The following DIP2B variants were observed in gnomAD, a reference collection of about 807,000 sequenced individuals.
The protein encoded by DIP2B is DIP2 acetate--CoA ligase B (putative), also known as disco-interacting protein 2 homolog B.
A neutral mutation model predicts 198.0 loss-of-function variants in DIP2B; 76 were observed. The observed-to-expected ratio is 0.38, with a 90% CI of 0.32 to 0.46. The LOEUF (loss-of-function observed/expected upper bound fraction) is 0.46. Among genes scored for constraint, DIP2B ranks in the 20% least tolerant of loss-of-function variants. DIP2B has a pLI of 0.99. For missense variants in DIP2B, 1,559 were observed against 1,978.4 expected (o/e 0.79, Z 4.02); for synonymous variants, 701 against 739.1 (o/e 0.95, Z 0.84).
chr12:50,626,483 A>G (rs185503869), intron 2 of DIP2B, among the ~76,000 whole-genome samples: 206 of 152,344 alleles, frequency 1.4e-3, no homozygotes, highest in African/African-American at 4.8e-3. Context: ...ATTAATTCAA[A>G]GCCAGACTTA....
intron 2 of DIP2B, 107 bp from the exon 3 acceptor site, chr12:50,640,617 G>T (rs1938238525): frequency 8.5e-7 from 1 of 1,182,848 alleles, no homozygotes; most frequent in South Asian, 1.5e-5. Flanking sequence ...TACTGTAGAT[G>T]GGGTAATAGT....
At chr12:50,743,153 G>A (rs935362732) in intron 37 of DIP2B, among the ~76,000 whole-genome samples, 2 of 152,084 alleles carry the variant, frequency 1.3e-5, no homozygotes, top group African/African-American at 4.8e-5. Flanking sequence ...TGCGATCCCG[G>A]CTCACTGCAA....
chr12:50,699,812 A>G (rs1040034042), intron 19 of DIP2B, among the ~76,000 whole-genome samples: 7 of 151,586 alleles, frequency 4.6e-5, no homozygotes, highest in African/African-American at 1.7e-4. Flanking sequence ...GCAGTGAGCT[A>G]TGATCATGCC....
chr12:50,505,108 C>G lies in DIP2B; in HGVS notation c.-33C>G, dbSNP rs561860111. 1.4e-4 allele frequency: 212 copies of G among 1,526,640 alleles called. 2 individuals carry two copies. In the African/African-American group the frequency reaches 2.6e-3, roughly 19 times the overall value. 94.6% of individuals were successfully genotyped at this position (1,526,640 alleles called of 1,614,324 possible). A position where few individuals can be genotyped will look rare whatever the true frequency, so the allele number is the denominator to read the frequency against. On this transcript the variant is annotated 5_prime_UTR_variant, in exon 1 of 38. Transcript: ENST00000301180. The stretch of plus-strand genomic sequence containing the variant: ...GTCCGTCCCTCCTTCGGCCCCCTCT[C>G]TTGTCTTCCGGAGTGTGGCTGGCGG...
Position 50,698,550 on chromosome 12 carries a change from A to G in DIP2B, c.2188+83A>G, listed in dbSNP as rs1939359570. On this transcript the variant is annotated intron_variant, in intron 18 of 37. Transcript: ENST00000301180. Reference sequence around the variant, plus strand: ...GAGCCTGATAAAATACAGAATCCCAAACGAGGAACCCTTAATTCAGTACTT... The same window carrying G: ...GAGCCTGATAAAATACAGAATCCCAGACGAGGAACCCTTAATTCAGTACTT... The G allele has an allele frequency of 2.7e-6, 4 of 1,503,530 alleles. No homozygotes were observed. The East Asian group carries it at 9.2e-5, about 35-fold the overall frequency. The allele number at this position is 1,503,530 out of a possible 1,614,324, so 93.1% of individuals were successfully genotyped here.
intron 2 of DIP2B, among the ~76,000 whole-genome samples, chr12:50,636,173 G>A (rs1938156458): frequency 6.6e-6 from 1 of 152,190 alleles, no homozygotes; most frequent in South Asian, 2.1e-4. Flanking sequence ...TTGAAATCAG[G>A]AACAGCATTT....
At chr12:50,727,555 C>G (rs1939958928) in intron 28 of DIP2B, 148 bp from the exon 29 acceptor site, 2 of 692,288 alleles carry the variant, frequency 2.9e-6, no homozygotes, top group Non-Finnish European at 5.1e-6. Flanking sequence ...CTAAGAATGA[C>G]ATATGTGAGC....
intron 3 of DIP2B, among the ~76,000 whole-genome samples, chr12:50,650,452 C>T (rs1938434323): frequency 6.6e-6 from 1 of 152,126 alleles, no homozygotes; most frequent in South Asian, 2.1e-4. Context: ...GAATTCCATA[C>T]CTGTTGAACA....
chr12:50,683,486 T>C (rs746550189), intron 10 of DIP2B, among the ~76,000 whole-genome samples: 3 of 152,172 alleles, frequency 2.0e-5, no homozygotes, highest in Non-Finnish European at 4.4e-5. Flanking sequence ...TCATTTAAAA[T>C]ATCACTGGGG....
intron 21 of DIP2B, 94 bp downstream of exon 21, chr12:50,706,759 T>C: frequency 7.0e-7 from 1 of 1,434,988 alleles, no homozygotes; most frequent in South Asian, 1.4e-5. Context: ...AGGTTCTCTT[T>C]CCAAGTGATC....
Position 50,541,078 on chromosome 12 carries a change from G to T in DIP2B, c.100+35838G>T, listed in dbSNP as rs568228204. Among the ~76,000 whole-genome samples, 213 of 152,226 alleles carry T rather than the reference G, an allele frequency of 1.4e-3. 1 individual carries two copies. The highest frequency in any genetic ancestry group is 5.0e-3 in the African/African-American group (208 of 41,544). On this transcript the variant is annotated intron_variant, in intron 1 of 37. Transcript: ENST00000301180. ...TACATTAACACTCTTTTCCTTTGGA[G>T]AATATAGAAAAAGCTAAGGGTCACA...
At chr12:50,517,224 A>T (rs1958073867) in intron 1 of DIP2B, among the ~76,000 whole-genome samples, 1 of 151,568 alleles carries the variant, frequency 6.6e-6, no homozygotes, top group Non-Finnish European at 1.5e-5. Context: ...CGACCAAAAA[A>T]TTTGTTTTAA....
At chr12:50,694,223 CTG>C (rs2139551929) in intron 14 of DIP2B, among the ~76,000 whole-genome samples, 1 of 152,242 alleles carries the variant, frequency 6.6e-6, no homozygotes, top group African/African-American at 2.4e-5. Context: ...CAGCCGGGCA[CTG>C]TGACTCAGGC....
At chr12:50,609,385 C>A (rs1358056004) in intron 1 of DIP2B, among the ~76,000 whole-genome samples, 2 of 152,158 alleles carry the variant, frequency 1.3e-5, no homozygotes, top group African/African-American at 4.8e-5. Context: ...GTACTTAAAA[C>A]AAGATAGAAG....
chr12:50,672,485 T>A (rs1002693478), intron 5 of DIP2B, among the ~76,000 whole-genome samples: 1 of 152,244 alleles, frequency 6.6e-6, no homozygotes, highest in Non-Finnish European at 1.5e-5. Flanking sequence ...GAGACCAGTA[T>A]TACTTGTTAA....
chr12:50,555,714 G>A (rs2139391500), intron 1 of DIP2B, among the ~76,000 whole-genome samples: 1 of 151,722 alleles, frequency 6.6e-6, no homozygotes, highest in African/African-American at 2.4e-5. Context: ...CCATCTCATT[G>A]GGCCTCTCAC....
At chr12:50,718,667 A>G in intron 23 of DIP2B, 42 bp from the exon 24 acceptor site, 1 of 1,542,698 alleles carries the variant, frequency 6.5e-7, no homozygotes, top group Non-Finnish European at 8.9e-7. Context: ...ACTTAGTTGG[A>G]ATCGCCATCT....
intron 19 of DIP2B, among the ~76,000 whole-genome samples, chr12:50,702,734 TA>T (rs35373628): frequency 0.2 from 7,774 of 38,794 alleles, 216 homozygotes; most frequent in Middle Eastern, 0.33. Context: ...CCTCATCTCT[TA>T]AAAAAAAAAA....
At chr12:50,625,863 C>CAAGGGGAGGGGATGTGGGAAT in intron 1 of DIP2B, 113 bp from the exon 2 acceptor site, 1 of 1,114,414 alleles carries the variant, frequency 9.0e-7, no homozygotes. Flanking sequence ...CCCCCCCAAC[C>CAAGGGGAGGGGATGTGGGAAT]CCCTGCCTCT....
Sources: allele counts gnomAD v4.1 joint callset (sites outside exome capture counted in the v4.1 genomes callset), GRCh38; gene constraint gnomAD v4.1.1; transcripts MANE v1.5; gene names NCBI Gene and HGNC (gene_info 2026-07-23, HGNC 2026-07-21).